Variants in NUP98 observed in about 807,000 individuals in gnomAD.
The protein encoded by NUP98 is nuclear pore complex protein Nup98-Nup96.
In NUP98, 26 loss-of-function variants were observed where a neutral mutation model predicts 191.9. The ratio of observed to expected loss-of-function variants is 0.14; its 90% CI spans 0.10 to 0.19. The LOEUF is 0.19. Ranked by LOEUF, NUP98 falls within the 10% of genes least tolerant of loss-of-function variation. The pLI is 1.00. For synonymous variants in NUP98, 808 were observed against 778.4 expected, an observed-to-expected ratio of 1.04 and a Z score of -0.63; for missense variants, 1,941 against 2,178.8, an observed-to-expected ratio of 0.89 and a Z score of 2.17.
At chr11:3,745,744 T>C (rs1269013200) in intron 11 of NUP98, among the ~76,000 whole-genome samples, 1 of 152,166 alleles carries the variant, frequency 6.6e-6, no homozygotes, top group African/African-American at 2.4e-5. Context: ...TGCATCACCA[T>C]GCATGGCTTC....
intron 1 of NUP98, among the ~76,000 whole-genome samples, chr11:3,793,997 G>A (rs1378364378): frequency 6.6e-6 from 1 of 150,416 alleles, no homozygotes; most frequent in Non-Finnish European, 1.5e-5. Context: ...ATAAATACAT[G>A]TGAAATATTT....
At chr11:3,683,148 GA>G (rs1272225266) in intron 30 of NUP98, 51 bp downstream of exon 30, 2 of 1,607,722 alleles carry the variant, frequency 1.2e-6, no homozygotes, top group Admixed American at 1.7e-5. Flanking sequence ...TGGAGGTTCA[GA>G]GGTTGGAGGA....
intron 1 of NUP98, among the ~76,000 whole-genome samples, chr11:3,787,082 C>T (rs1024783602): frequency 3.9e-5 from 6 of 152,172 alleles, no homozygotes; most frequent in African/African-American, 1.4e-4. Flanking sequence ...GATTATCACA[C>T]ACAGTTAAAC....
At position 3,768,692 on chromosome 11, in the gene NUP98, C is replaced by G; in HGVS notation, c.837G>C (p.Gln279His). Residue 279 changes from glutamine to histidine, a missense_variant, in exon 8 of 33, where the codon CAG becomes CAC. Physicochemically the swap from Gln to His is conservative, Grantham distance 24 (BLOSUM62 0). Coordinates refer to ENST00000324932, the MANE Select transcript of NUP98 (RefSeq NM_016320.5). ...NPGGLFGQQNQQTTSLFSKPF... is the reference protein window; with the variant it reads ...NPGGLFGQQNHQTTSLFSKPF... The stretch of plus-strand genomic sequence containing the variant: ...GTTTGCTGAAGAGGCTGGTAGTCTG[C>G]TGATTCTGTTGGCCAAAGAGACCAC... 4 of 1,606,104 alleles carry G rather than the reference C, an allele frequency of 2.5e-6. No homozygotes were observed. In the South Asian group the frequency reaches 4.4e-5, roughly 18 times the overall value.
chr11:3,782,730 G>A (rs2082014208), intron 1 of NUP98, among the ~76,000 whole-genome samples: 1 of 151,812 alleles, frequency 6.6e-6, no homozygotes, highest in Admixed American at 6.6e-5. Flanking sequence ...TTTTAGGAGA[G>A]ACAGGGTTTC....
rs376900132 is a variant in NUP98, at chr11:3,719,513, C to G, written c.2298G>C (p.Leu766Phe). The change falls in exon 18 of 33, where the codon TTG becomes TTC. Residue 766 changes from leucine to phenylalanine, a missense_variant. By Grantham distance (22) the Leu-to-Phe change is conservative. Coordinates refer to ENST00000324932, the MANE Select transcript of NUP98 (RefSeq NM_016320.5). ...CAATATCATCCAAATTTAGATTTGT[C>G]AAATTCACATCTCCTTCAAAATAGA... ...GSIYFEGDVN[L>F]TNLNLDDIVH... 2 of 1,591,050 alleles carry G rather than the reference C, an allele frequency of 1.3e-6. No individual in the cohort carries two copies. Among genetic ancestry groups the G allele is most frequent in the Non-Finnish European group, 1.7e-6 (2 of 1,170,956 alleles).
intron 13 of NUP98, among the ~76,000 whole-genome samples, chr11:3,734,302 G>C (rs1056118556): frequency 1.3e-5 from 2 of 152,140 alleles, no homozygotes; most frequent in Non-Finnish European, 2.9e-5. Context: ...CAGAGTGCTA[G>C]GATTACAGGC....
At chr11:3,727,829 G>C (rs150116124) in intron 14 of NUP98, among the ~76,000 whole-genome samples, 2,848 of 152,100 alleles carry the variant, frequency 0.019, 99 homozygotes, top group African/African-American at 0.065. Context: ...TTTGAGACCA[G>C]CCTGGGCAAC....
intron 27 of NUP98, 86 bp downstream of exon 27, chr11:3,693,146 C>T: frequency 7.4e-7 from 1 of 1,350,426 alleles, no homozygotes; most frequent in Non-Finnish European, 1.0e-6. Context: ...AGGATAGTTT[C>T]CCATCAGATT....
At chr11:3,792,672 A>C (rs2082396046) in intron 1 of NUP98, among the ~76,000 whole-genome samples, 1 of 152,158 alleles carries the variant, frequency 6.6e-6, no homozygotes, top group Non-Finnish European at 1.5e-5. Context: ...TAACTCAGTA[A>C]ATCAATAATT....
At chr11:3,738,215 A>G (rs1351377078) in intron 12 of NUP98, among the ~76,000 whole-genome samples, 1 of 152,178 alleles carries the variant, frequency 6.6e-6, no homozygotes, top group Non-Finnish European at 1.5e-5. Flanking sequence ...TTAAAGACAC[A>G]GGTAAGAGAG....
chr11:3,758,345 G>C (rs2081050518), intron 10 of NUP98, among the ~76,000 whole-genome samples: 1 of 150,936 alleles, frequency 6.6e-6, no homozygotes, highest in African/African-American at 2.4e-5. Context: ...AAAGAAAAAA[G>C]AAAAAACAGT....
chr11:3,713,586 G>A (rs571967663), intron 19 of NUP98, among the ~76,000 whole-genome samples: 2 of 152,280 alleles, frequency 1.3e-5, no homozygotes, highest in African/African-American at 4.8e-5. Flanking sequence ...AGGCATGGTA[G>A]TGCATGCCTA....
At chr11:3,717,275 G>T (rs1416380854) in intron 18 of NUP98, among the ~76,000 whole-genome samples, 1 of 152,162 alleles carries the variant, frequency 6.6e-6, no homozygotes, top group Non-Finnish European at 1.5e-5. Flanking sequence ...TGGGATTACA[G>T]GCACGAGCCA....
chr11:3,796,274 T>C (rs1318196152), intron 1 of NUP98, among the ~76,000 whole-genome samples: 2 of 152,196 alleles, frequency 1.3e-5, no homozygotes, highest in African/African-American at 4.8e-5. Flanking sequence ...GTACAACTAC[T>C]ACAAACGGAC....
intron 1 of NUP98, among the ~76,000 whole-genome samples, chr11:3,793,042 C>T (rs904888367): frequency 1.3e-5 from 2 of 152,004 alleles, no homozygotes; most frequent in Non-Finnish European, 1.5e-5. Flanking sequence ...ACCTGGGAGG[C>T]GGAGGTTGGA....
chr11:3,709,969 A>C (rs1347804566), intron 20 of NUP98, among the ~76,000 whole-genome samples: 1 of 146,620 alleles, frequency 6.8e-6, no homozygotes, highest in Non-Finnish European at 1.5e-5. Flanking sequence ...AACTTAAAGT[A>C]CAATAATAAT....
chr11:3,794,477 C>T (rs991225289), intron 1 of NUP98, among the ~76,000 whole-genome samples: 11 of 152,090 alleles, frequency 7.2e-5, no homozygotes, highest in East Asian at 1.9e-4. Context: ...CATGCTGCCA[C>T]GCCCAGCTAA....
intron 1 of NUP98, among the ~76,000 whole-genome samples, chr11:3,792,292 T>C (rs1310087090): frequency 1.3e-5 from 2 of 151,046 alleles, no homozygotes; most frequent in African/African-American, 2.4e-5. Context: ...CAGAAACAAC[T>C]GTATAATTAA....
Sources: gnomAD v4.1 joint callset for allele counts (sites outside exome capture counted in the v4.1 genomes callset) on GRCh38, gnomAD v4.1.1 for gene constraint, MANE v1.5 for transcripts, NCBI Gene and HGNC (gene_info 2026-07-23, HGNC 2026-07-21) for gene names.